Variants in ANO10 observed in about 807,000 individuals in gnomAD.
The protein encoded by ANO10 is anoctamin-10.
ANO10 carries 77 observed loss-of-function variants against 74.7 expected under a neutral mutation model. That is an observed-to-expected ratio of 1.03 (90% CI 0.86 to 1.25). The LOEUF (loss-of-function observed/expected upper bound fraction) is 1.25. Ranked by LOEUF, ANO10 falls within the 50% of genes most tolerant of loss-of-function variation. The pLI is 0.00. For synonymous variants in ANO10, 279 were observed against 284.9 expected (o/e 0.98, Z 0.21); for missense variants, 721 against 778.1 (o/e 0.93, Z 0.87).
At chr3:43,553,539 CT>C (rs34196766) in intron 10 of ANO10, among the ~76,000 whole-genome samples, 96,627 of 135,986 alleles carry the variant, frequency 0.71, 34,069 homozygotes, top group East Asian at 0.86. Flanking sequence ...TAATTTCTCT[CT>C]TTTTTTTTTT....
intron 10 of ANO10, among the ~76,000 whole-genome samples, chr3:43,550,601 T>G (rs2079412418): frequency 1.3e-5 from 2 of 152,210 alleles, no homozygotes; most frequent in African/African-American, 4.8e-5. Flanking sequence ...AAAAGATGAC[T>G]GAATCCAAAC....
chr3:43,388,723 G>A (rs1345566019), intron 12 of ANO10, among the ~76,000 whole-genome samples: 2 of 152,152 alleles, frequency 1.3e-5, no homozygotes, highest in Non-Finnish European at 2.9e-5. Flanking sequence ...AAAAACTAAT[G>A]TTTCTGAATT....
chr3:43,564,083 AGTGC>A (rs1251632302), intron 8 of ANO10, among the ~76,000 whole-genome samples: 1 of 151,976 alleles, frequency 6.6e-6, no homozygotes, highest in African/African-American at 2.4e-5. Flanking sequence ...CTCACTTTGC[AGTGC>A]AGTGGCGTGA....
intron 7 of ANO10, among the ~76,000 whole-genome samples, chr3:43,571,321 C>A (rs1436236337): frequency 6.6e-6 from 1 of 152,140 alleles, no homozygotes; most frequent in Non-Finnish European, 1.5e-5. Context: ...TTGACCCAGC[C>A]ATCCCATTAC....
chr3:43,491,967 G>T (rs1398173041), intron 11 of ANO10, among the ~76,000 whole-genome samples: 1 of 152,128 alleles, frequency 6.6e-6, no homozygotes, highest in African/African-American at 2.4e-5. Flanking sequence ...AGCTCCCAGA[G>T]AGATCAAAGC....
At chr3:43,491,802 T>G (rs990167118) in intron 11 of ANO10, among the ~76,000 whole-genome samples, 1 of 152,114 alleles carries the variant, frequency 6.6e-6, no homozygotes, top group African/African-American at 2.4e-5. Flanking sequence ...TATGATATAA[T>G]ATAATAATAT....
chr3:43,502,407 C>T (rs2077131943), intron 11 of ANO10, among the ~76,000 whole-genome samples: 1 of 152,110 alleles, frequency 6.6e-6, no homozygotes, highest in Admixed American at 6.5e-5. Flanking sequence ...TTAGTTCCTG[C>T]CAGAGCTGGT....
intron 6 of ANO10, among the ~76,000 whole-genome samples, chr3:43,575,339 C>T (rs542818506): frequency 6.6e-6 from 1 of 152,152 alleles, no homozygotes; most frequent in Non-Finnish European, 1.5e-5. Flanking sequence ...GATCCCAAAA[C>T]AGCAAGATAA....
At chr3:43,378,447 TA>T (rs2091871870) in intron 12 of ANO10, among the ~76,000 whole-genome samples, 1 of 152,212 alleles carries the variant, frequency 6.6e-6, no homozygotes, top group African/African-American at 2.4e-5. Flanking sequence ...AGAGAAAGTA[TA>T]AATGTTTCCC....
chr3:43,533,392 T>C (rs1444298882), intron 11 of ANO10, among the ~76,000 whole-genome samples: 1 of 152,248 alleles, frequency 6.6e-6, no homozygotes, highest in Non-Finnish European at 1.5e-5. Flanking sequence ...GTAAGTTTTA[T>C]GCAGCTTATT....
intron 11 of ANO10, among the ~76,000 whole-genome samples, chr3:43,486,183 A>G (rs2076480265): frequency 6.6e-6 from 1 of 152,150 alleles, no homozygotes; most frequent in African/African-American, 2.4e-5. Flanking sequence ...TTTACTATCT[A>G]TTCTCTCTGA....
intron 11 of ANO10, among the ~76,000 whole-genome samples, chr3:43,510,671 A>T (rs531637322): frequency 1.4e-4 from 22 of 152,286 alleles, no homozygotes; most frequent in Non-Finnish European, 2.6e-4. Flanking sequence ...TTTAAATTTT[A>T]AAAAAATCAT....
At chr3:43,630,238 AAAATCTAAATACT>A (rs992641883) in intron 1 of ANO10, among the ~76,000 whole-genome samples, 36 of 152,342 alleles carry the variant, frequency 2.4e-4, no homozygotes, top group East Asian at 7.7e-4. Flanking sequence ...TTATAAATCT[AAAATCTAAATACT>A]AAATCTAAAT....
intron 1 of ANO10, among the ~76,000 whole-genome samples, chr3:43,655,292 T>C (rs912447758): frequency 2.0e-5 from 3 of 152,128 alleles, no homozygotes; most frequent in Non-Finnish European, 4.4e-5. Flanking sequence ...GTCTGGAGCT[T>C]GTTCCTTCTG....
intron 1 of ANO10, among the ~76,000 whole-genome samples, chr3:43,683,771 T>C: frequency 6.6e-6 from 1 of 151,880 alleles, no homozygotes; most frequent in Non-Finnish European, 1.5e-5. Flanking sequence ...TCAGAAATAA[T>C]ACCACACATC....
At chr3:43,463,629 C>CGTA (rs1246956349) in intron 11 of ANO10, among the ~76,000 whole-genome samples, 5 of 152,178 alleles carry the variant, frequency 3.3e-5, no homozygotes, top group Admixed American at 3.3e-4. Flanking sequence ...TGTATTTACC[C>CGTA]AATGCCTGTA....
chr3:43,611,082 G>A, intron 1 of ANO10, among the ~76,000 whole-genome samples: 1 of 152,104 alleles, frequency 6.6e-6, no homozygotes, highest in East Asian at 1.9e-4. Context: ...TAAGTACACG[G>A]CTAGGCTACA....
At chr3:43,390,080 G>A (rs2092237076) in intron 12 of ANO10, among the ~76,000 whole-genome samples, 1 of 152,194 alleles carries the variant, frequency 6.6e-6, no homozygotes, top group East Asian at 1.9e-4. Flanking sequence ...TGGCATCCAG[G>A]GAAAGTTCTT....
At chr3:43,640,343 A>G (rs2083659359) in intron 1 of ANO10, among the ~76,000 whole-genome samples, 1 of 152,188 alleles carries the variant, frequency 6.6e-6, no homozygotes, top group East Asian at 1.9e-4. Context: ...AAGAGAAGGC[A>G]TCTGGTGGAT....
Sources: allele counts gnomAD v4.1 joint callset (sites outside exome capture counted in the v4.1 genomes callset), GRCh38; gene constraint gnomAD v4.1.1; transcripts MANE v1.5; gene names NCBI Gene and HGNC (gene_info 2026-07-23, HGNC 2026-07-21).